AGAP5: variants seen among roughly 807,000 people sequenced by gnomAD.
The protein encoded by AGAP5 is arf-GAP with GTPase, ANK repeat and PH domain-containing protein 5.
In AGAP5, 8 loss-of-function variants were observed where a neutral mutation model predicts 27.7. That is an observed-to-expected ratio of 0.29 (90% CI 0.17 to 0.52). The LOEUF is 0.52. Among genes scored for constraint, AGAP5 ranks in the 20% least tolerant of loss-of-function variants. AGAP5 has a pLI of 0.97. For synonymous variants in AGAP5, 111 were observed against 338.0 expected, an observed-to-expected ratio of 0.33 and a Z score of 7.37; for missense variants, 285 against 880.8, an observed-to-expected ratio of 0.32 and a Z score of 8.56.
At chr10:73,692,458 C>A (rs921026668) in intron 3 of AGAP5, among the ~76,000 whole-genome samples, 3 of 152,098 alleles carry the variant, frequency 2.0e-5, no homozygotes, top group Non-Finnish European at 4.4e-5. Flanking sequence ...AATTATCAGA[C>A]TCTAAGAGCT....
At chr10:73,686,081 AG>A (rs2082061494) in intron 4 of AGAP5, among the ~76,000 whole-genome samples, 1 of 152,248 alleles carries the variant, frequency 6.6e-6, no homozygotes, top group Admixed American at 6.5e-5. Flanking sequence ...GGACCAAACA[AG>A]AACTGGCATA....
intron 4 of AGAP5, among the ~76,000 whole-genome samples, chr10:73,690,296 CT>C (rs2082106208): frequency 6.6e-6 from 1 of 152,212 alleles, no homozygotes; most frequent in Non-Finnish European, 1.5e-5. Context: ...TCCTGTTGAT[CT>C]GTGACCTTAC....
At chr10:73,697,457 A>C in intron 1 of AGAP5, 76 bp downstream of exon 1, 5 of 1,600,636 alleles carry the variant, frequency 3.1e-6, no homozygotes, top group Non-Finnish European at 4.2e-6. Context: ...AAAGTGGGGG[A>C]TGCCGTAAAG....
At chr10:73,691,019 A>G (rs199876244) in intron 4 of AGAP5, among the ~76,000 whole-genome samples, 1 of 152,248 alleles carries the variant, frequency 6.6e-6, no homozygotes, top group East Asian at 1.9e-4. Context: ...TACTTGGGGG[A>G]AAAACAGCTG....
intron 6 of AGAP5, 49 bp from the exon 7 acceptor site, chr10:73,676,819 A>G (rs1312736857): frequency 3.2e-6 from 3 of 942,570 alleles, no homozygotes; most frequent in East Asian, 2.3e-5. Context: ...ATATCTTAGT[A>G]TAATATTTGT....
At chr10:73,692,598 C>T (rs1213236675) in intron 3 of AGAP5, among the ~76,000 whole-genome samples, 3 of 150,236 alleles carry the variant, frequency 2.0e-5, no homozygotes, top group South Asian at 2.1e-4. Flanking sequence ...AATTAAAAAA[C>T]GGTCTTTACA....
chr10:73,695,021 C>T (rs1207684960), intron 2 of AGAP5, among the ~76,000 whole-genome samples: 1 of 151,386 alleles, frequency 6.6e-6, no homozygotes, highest in Non-Finnish European at 1.5e-5. Flanking sequence ...TCACTTGAAC[C>T]CAGGTCAGGA....
Position 73,697,935 on chromosome 10 carries a change from G to A in AGAP5, c.-180C>T. ...TGGCCCCGGCCCCGGCCCCGGCTAGGGCTGCGGGTCAAGGCCCACACCCTG... is the reference window on the plus strand; with the variant it reads ...TGGCCCCGGCCCCGGCCCCGGCTAGAGCTGCGGGTCAAGGCCCACACCCTG... On this transcript the variant is annotated 5_prime_UTR_variant, in exon 1 of 8. Transcript: ENST00000374094. 6.6e-7 allele frequency: 1 copy of A among 1,524,210 alleles called. No individual in the cohort carries two copies. 94.4% of individuals were successfully genotyped at this position (1,524,210 alleles called of 1,614,324 possible). A position where few individuals can be genotyped will look rare whatever the true frequency, so the allele number is the denominator to read the frequency against.
Position 73,697,649 on chromosome 10 carries a change from G to C in AGAP5, c.107C>G (p.Ala36Gly), listed in dbSNP as rs1261805100. Residue 36 changes from alanine to glycine, a missense_variant, in exon 1 of 8, where the codon GCT (alanine) becomes GGT (glycine). Coordinates refer to ENST00000374094, the MANE Select transcript of AGAP5 (RefSeq NM_001144000.4). ...PSESEIYEAG[A>G]GDRMAGAPMA... ...GGGCGCTCCTGCCATCCTGTCCCCAGCTCCTGCCTCATAGATCTCAGATTC... is the reference window on the plus strand; with the variant it reads ...GGGCGCTCCTGCCATCCTGTCCCCACCTCCTGCCTCATAGATCTCAGATTC... 2 of 1,603,634 alleles carry C rather than the reference G, an allele frequency of 1.2e-6. No homozygotes were observed. The highest frequency in any genetic ancestry group is 1.7e-5 in the Admixed American group (1 of 59,998).
intron 4 of AGAP5, among the ~76,000 whole-genome samples, chr10:73,687,859 A>G (rs2082078532): frequency 6.6e-6 from 1 of 152,228 alleles, no homozygotes; most frequent in African/African-American, 2.4e-5. Flanking sequence ...CTGAGACATA[A>G]AAGTAGATAA....
At chr10:73,693,566 GTGC>G (rs1252987521) in intron 3 of AGAP5, among the ~76,000 whole-genome samples, 2 of 151,850 alleles carry the variant, frequency 1.3e-5, no homozygotes, top group East Asian at 3.9e-4. Context: ...AGGTGTTATT[GTGC>G]CCACCTATAG....
At chr10:73,687,301 C>T (rs2082073080) in intron 4 of AGAP5, among the ~76,000 whole-genome samples, 2 of 152,126 alleles carry the variant, frequency 1.3e-5, no homozygotes, top group Non-Finnish European at 2.9e-5. Flanking sequence ...GTTGCCCAGG[C>T]TGGAGTGCAG....
At chr10:73,688,213 A>G (rs1190628838) in intron 4 of AGAP5, among the ~76,000 whole-genome samples, 2 of 152,252 alleles carry the variant, frequency 1.3e-5, no homozygotes, top group Non-Finnish European at 2.9e-5. Flanking sequence ...TTTCTGCGCT[A>G]ACTCTGCTTT....
Position 73,675,446 on chromosome 10 carries a change from T to C in AGAP5, c.1214A>G (p.Lys405Arg). The C allele has an allele frequency of 6.2e-7, 1 of 1,614,030 alleles. No individual in the cohort carries two copies. Among genetic ancestry groups the C allele is most frequent in the South Asian group, 1.1e-5 (1 of 91,072 alleles). The change falls in exon 8 of 8, where the codon AAG becomes AGG. Residue 405 changes from lysine (K) to arginine (R), a missense_variant. Coordinates refer to ENST00000374094, the MANE Select transcript of AGAP5 (RefSeq NM_001144000.4). ...AATCATAAAGTTGTTGGTGCTTTTCTTCTTTAGGTGTTTCTTTTTATTGGC... is the reference window on the plus strand; with the variant it reads ...AATCATAAAGTTGTTGGTGCTTTTCCTCTTTAGGTGTTTCTTTTTATTGGC... ...PHANKKKHLK[K>R]KSTNNFMIVS...
intron 3 of AGAP5, among the ~76,000 whole-genome samples, 180 bp from the exon 4 acceptor site, chr10:73,692,257 A>C (rs2132458823): frequency 1.3e-5 from 2 of 151,952 alleles, no homozygotes; most frequent in East Asian, 3.9e-4. Flanking sequence ...TCAAATCTAA[A>C]AACTTAGTTT....
chr10:73,682,482 ACT>A (rs1241112103), intron 5 of AGAP5: 7 of 843,100 alleles, frequency 8.3e-6, no homozygotes, highest in South Asian at 5.5e-5. Context: ...AAAAAGATAC[ACT>A]GTTTCTGGGT....
chr10:73,687,028 T>C (rs2082070299), intron 4 of AGAP5, among the ~76,000 whole-genome samples: 2 of 152,018 alleles, frequency 1.3e-5, no homozygotes, highest in Admixed American at 6.6e-5. Flanking sequence ...GTTCAGCGGA[T>C]ACTGCTCAGG....
At position 73,698,044 on chromosome 10, in the gene AGAP5, G is replaced by C; in HGVS notation, c.-289C>G. On this transcript the variant is annotated 5_prime_UTR_variant, in exon 1 of 8. Coordinates refer to ENST00000374094, the MANE Select transcript of AGAP5 (RefSeq NM_001144000.4). ...GTTGTGAACCCAACAAGCGCTGAGA[G>C]ACACAACAACTGCCTGAAGAGAGAA... 3 of 1,391,300 alleles carry C rather than the reference G, an allele frequency of 2.2e-6. No homozygotes were observed. In the South Asian group the frequency reaches 4.5e-5, roughly 21 times the overall value. 86.2% of individuals were successfully genotyped at this position (1,391,300 alleles called of 1,614,324 possible).
chr10:73,694,872 T>G, intron 2 of AGAP5, 68 bp from the exon 3 acceptor site: 3 of 1,596,976 alleles, frequency 1.9e-6, no homozygotes. Flanking sequence ...ACTCGTTTAT[T>G]CAACTGCTGC....
Sources: allele counts gnomAD v4.1 joint callset (sites outside exome capture counted in the v4.1 genomes callset), GRCh38; gene constraint gnomAD v4.1.1; transcripts MANE v1.5; gene names NCBI Gene and HGNC (gene_info 2026-07-23, HGNC 2026-07-21).